Variants in TMEM123 observed in about 807,000 individuals in gnomAD.
TMEM123 encodes porimin.
Under a neutral mutation model 19.7 loss-of-function variants are expected in TMEM123, and 16 were observed. The observed-to-expected ratio is 0.81, with a 90% CI of 0.55 to 1.23. TMEM123 has a LOEUF of 1.23. Ranked by LOEUF, TMEM123 falls within the 50% of genes most tolerant of loss-of-function variation. The pLI, the probability that TMEM123 is intolerant of heterozygous loss-of-function variation, is 0.00. For synonymous variants in TMEM123, 118 were observed against 99.4 expected, an observed-to-expected ratio of 1.19 and a Z score of -1.12; for missense variants, 313 against 257.8, an observed-to-expected ratio of 1.21 and a Z score of -1.47.
intron 4 of TMEM123, 131 bp downstream of exon 4, chr11:102,401,408 G>A (rs1951911099): frequency 1.2e-6 from 1 of 816,124 alleles, no homozygotes; most frequent in South Asian, 3.3e-5. Flanking sequence ...GGCCAAAAGG[G>A]TTAATGGGAA....
intron 2 of TMEM123, among the ~76,000 whole-genome samples, chr11:102,444,250 G>T (rs1055286803): frequency 1.3e-5 from 2 of 152,132 alleles, no homozygotes; most frequent in Non-Finnish European, 2.9e-5. Context: ...ATGCACACGT[G>T]TGTTTATTGT....
chr11:102,428,647 C>T lies in TMEM123; in HGVS notation c.157+20165G>A, dbSNP rs529929653. 3.4e-4 allele frequency among the ~76,000 whole-genome samples: 51 copies of T among 151,980 alleles called. 2 individuals are homozygous for T. In the South Asian group the frequency reaches 0.01, roughly 31 times the overall value. On this transcript the variant is annotated intron_variant, in intron 2 of 4. Transcript: ENST00000398136. The stretch of plus-strand genomic sequence containing the variant: ...AGTCATTTTAAAGAAGTGTTTTTTC[C>T]CCTAGATTACTTTATCCCATATCAC...
At position 102,398,892 on chromosome 11, in the gene TMEM123, CTG is replaced by C. The variant is rs1951884400; in HGVS notation, c.603-3_603-2del. The C allele has an allele frequency of 2.5e-6, 4 of 1,609,066 alleles. No homozygotes were observed. Among genetic ancestry groups the C allele is most frequent in the East Asian group, 2.2e-5 (1 of 44,702 alleles). ...TTAAATGATGGCATCATGTTCATCT[CTG>C]TAATATATTAAAAGTTACAATTACT... is the stretch of plus-strand genomic sequence containing the variant. On this transcript the variant is annotated splice_acceptor_variant and splice_polypyrimidine_tract_variant and intron_variant, in intron 4 of 4. Transcript: ENST00000398136. LOFTEE classifies it high-confidence loss of function.
intron 2 of TMEM123, among the ~76,000 whole-genome samples, chr11:102,419,161 TAAAAGA>T: frequency 1.3e-5 from 2 of 152,280 alleles, no homozygotes; most frequent in Admixed American, 1.3e-4. Context: ...GAGCCTAAAA[TAAAAGA>T]AAAACAAAAA....
At chr11:102,405,469 A>G (rs1951947599) in intron 2 of TMEM123, among the ~76,000 whole-genome samples, 1 of 152,246 alleles carries the variant, frequency 6.6e-6, no homozygotes, top group South Asian at 2.1e-4. Flanking sequence ...ACTTGAACTA[A>G]TCTTTTCTTA....
At chr11:102,450,875 T>C (rs925978448) in intron 1 of TMEM123, among the ~76,000 whole-genome samples, 2 of 152,250 alleles carry the variant, frequency 1.3e-5, no homozygotes, top group African/African-American at 4.8e-5. Flanking sequence ...TAAAAATCAC[T>C]ATACTTCGTA....
At chr11:102,425,468 G>C (rs144036830) in intron 2 of TMEM123, among the ~76,000 whole-genome samples, 25 of 151,000 alleles carry the variant, frequency 1.7e-4, no homozygotes, top group African/African-American at 5.4e-4. Context: ...GTCCTCCAAT[G>C]ATACTGATAA....
intron 1 of TMEM123, 73 bp downstream of exon 1, chr11:102,452,451 C>A: frequency 1.6e-6 from 2 of 1,283,672 alleles, no homozygotes; most frequent in Non-Finnish European, 2.0e-6. Context: ...TACCAGAGCC[C>A]AACTTGGGAA....
At chr11:102,436,122 C>CA (rs1292244974) in intron 2 of TMEM123, among the ~76,000 whole-genome samples, 5 of 151,548 alleles carry the variant, frequency 3.3e-5, no homozygotes, top group African/African-American at 1.2e-4. Flanking sequence ...ACGAAGAAAC[C>CA]AAAAGCCATT....
chr11:102,410,791 T>C (rs944829510), intron 2 of TMEM123, among the ~76,000 whole-genome samples: 1 of 152,096 alleles, frequency 6.6e-6, no homozygotes. Flanking sequence ...CTTATCAGCA[T>C]GGAGGGTGGT....
intron 2 of TMEM123, among the ~76,000 whole-genome samples, chr11:102,410,509 T>G (rs1288413152): frequency 8.3e-6 from 1 of 120,258 alleles, no homozygotes; most frequent in Non-Finnish European, 1.8e-5. Flanking sequence ...CCCTGTTAGT[T>G]ACAAAAAAAA....
rs901016324 is a variant in TMEM123 at position 102,452,535 on chromosome 11, G to A, written c.89C>T (p.Ala30Val). The A allele has an allele frequency of 3.2e-6, 5 of 1,554,904 alleles. No individual in the cohort carries two copies. The highest frequency in any genetic ancestry group is 1.7e-4 in the Middle Eastern group (1 of 5,940). ...LALLGAAHES[A>V]AMAASANIEN... is the part of the protein sequence containing the mutation. ...CCGCAGCCACTTACCCGCCATGGCT[G>A]CGCTTTCATGGGCGGCCCCCAGCAG... is the stretch of plus-strand genomic sequence containing the variant. The change falls in exon 1 of 5, where the codon GCA becomes GTA. Residue 30 changes from alanine to valine, a missense_variant. Coordinates refer to ENST00000398136, the MANE Select transcript of TMEM123 (RefSeq NM_052932.3).
rs1459277380 is a variant in TMEM123, at chr11:102,397,789, G to A, written c.*1078C>T. On this transcript the variant is annotated 3_prime_UTR_variant, in exon 5 of 5. Coordinates refer to ENST00000398136, the MANE Select transcript of TMEM123 (RefSeq NM_052932.3). ...AAAATATAGCATTTTCATCCTGCAG[G>A]TTTAGTTGCCTGGGGGAAGTCCCAC... is the stretch of plus-strand genomic sequence containing the variant. 3 of 152,162 alleles carry A rather than the reference G, an allele frequency of 2.0e-5. No individual in the cohort carries two copies. Among genetic ancestry groups the A allele is most frequent in the African/African-American group, 4.8e-5 (2 of 41,436 alleles). 9.4% of individuals were successfully genotyped at this position (152,162 alleles called of 1,614,324 possible).
intron 4 of TMEM123, among the ~76,000 whole-genome samples, chr11:102,399,467 TATGTATTCTTTC>T (rs1413475256): frequency 6.6e-6 from 1 of 152,110 alleles, no homozygotes; most frequent in Non-Finnish European, 1.5e-5. Flanking sequence ...TGGTTTCTTT[TATGTATTCTTTC>T]ATGTATTGAC....
chr11:102,407,000 G>T (rs928088404), intron 2 of TMEM123, among the ~76,000 whole-genome samples: 2 of 152,084 alleles, frequency 1.3e-5, no homozygotes, highest in Non-Finnish European at 2.9e-5. Context: ...AGCTGAAGGG[G>T]GAGGCTTAGC....
At chr11:102,436,741 T>C (rs1299262236) in intron 2 of TMEM123, among the ~76,000 whole-genome samples, 2 of 147,430 alleles carry the variant, frequency 1.4e-5, no homozygotes, top group Non-Finnish European at 3.1e-5. Context: ...TCAATTTTAG[T>C]CTGAAAGAAG....
intron 2 of TMEM123, among the ~76,000 whole-genome samples, chr11:102,438,820 G>A (rs1349650408): frequency 3.3e-5 from 5 of 152,234 alleles, no homozygotes; most frequent in Non-Finnish European, 7.3e-5. Context: ...CAAGGGGTTG[G>A]GGAATCCCCT....
intron 2 of TMEM123, among the ~76,000 whole-genome samples, chr11:102,433,308 T>G (rs1004210704): frequency 2.6e-5 from 4 of 151,988 alleles, no homozygotes; most frequent in Admixed American, 1.3e-4. Flanking sequence ...GGAGCCCACC[T>G]CTTGCATCAG....
In TMEM123 at chr11:102,402,219, C is replaced by T; in HGVS notation, c.158-13G>A. ...TGTTGGAGAGTCTCTGCAATAATAT[C>T]AAGAAACATTAAAACCAGAGCTATG... On this transcript the variant is annotated splice_polypyrimidine_tract_variant and intron_variant, in intron 2 of 4. Coordinates refer to ENST00000398136, the MANE Select transcript of TMEM123 (RefSeq NM_052932.3). 6.2e-7 allele frequency: 1 copy of T among 1,609,060 alleles called. No individual in the cohort carries two copies. The highest frequency in any genetic ancestry group is 8.5e-7 in the Non-Finnish European group (1 of 1,176,798).
Sources: allele counts gnomAD v4.1 joint callset (sites outside exome capture counted in the v4.1 genomes callset), GRCh38; gene constraint gnomAD v4.1.1; transcripts MANE v1.5; gene names NCBI Gene and HGNC (gene_info 2026-07-23, HGNC 2026-07-21).